GALNT17: variants seen among roughly 807,000 people sequenced by gnomAD.
GALNT17 encodes the protein polypeptide N-acetylgalactosaminyltransferase 17.
A neutral mutation model predicts 63.7 loss-of-function variants in GALNT17; 29 were observed. That is an observed-to-expected ratio of 0.46 (90% CI 0.34 to 0.62). GALNT17 has a LOEUF of 0.62. GALNT17 is among the 20% of genes least tolerant of loss of function. GALNT17 has a pLI of 0.01. For missense variants in GALNT17, 603 were observed against 799.6 expected (o/e 0.75, Z 2.97); for synonymous variants, 305 against 318.3 (o/e 0.96, Z 0.45).
At chr7:71,522,015 AG>A (rs1264787875) in intron 5 of GALNT17, among the ~76,000 whole-genome samples, 1 of 152,152 alleles carries the variant, frequency 6.6e-6, no homozygotes, top group Non-Finnish European at 1.5e-5. Context: ...AGTGAGATTA[AG>A]GGATTTGCCA....
At chr7:71,254,931 T>C (rs1488909228) in intron 1 of GALNT17, among the ~76,000 whole-genome samples, 1 of 152,218 alleles carries the variant, frequency 6.6e-6, no homozygotes, top group Non-Finnish European at 1.5e-5. Flanking sequence ...AAACTGGAGC[T>C]TTCCAAAGAG....
intron 5 of GALNT17, among the ~76,000 whole-genome samples, chr7:71,450,866 A>G (rs777709908): frequency 4.0e-5 from 6 of 151,500 alleles, no homozygotes; most frequent in Non-Finnish European, 8.8e-5. Flanking sequence ...AAAATGATAA[A>G]CTTTTAAATT....
At chr7:71,606,951 G>A (rs868124254) in intron 6 of GALNT17, among the ~76,000 whole-genome samples, 2 of 152,162 alleles carry the variant, frequency 1.3e-5, no homozygotes, top group Non-Finnish European at 2.9e-5. Context: ...ACAGTAATTT[G>A]GTGGTCAGAA....
chr7:71,319,246 G>C (rs542970840), intron 1 of GALNT17, among the ~76,000 whole-genome samples: 1 of 151,990 alleles, frequency 6.6e-6, no homozygotes, highest in Non-Finnish European at 1.5e-5. Context: ...GCTGCCTTCT[G>C]TTCTTTGCCT....
chr7:71,289,399 CTTTT>C (rs1790936674), intron 1 of GALNT17, among the ~76,000 whole-genome samples: 1 of 151,774 alleles, frequency 6.6e-6, no homozygotes, highest in South Asian at 2.1e-4. Context: ...TTTCTTTTTC[CTTTT>C]TCAAGATTTT....
chr7:71,169,636 G>A (rs1438207125), intron 1 of GALNT17, among the ~76,000 whole-genome samples: 2 of 152,128 alleles, frequency 1.3e-5, no homozygotes, highest in Admixed American at 6.5e-5. Flanking sequence ...GCTCACTGCA[G>A]CCTTGACATC....
At chr7:71,559,597 C>G (rs541055641) in intron 5 of GALNT17, among the ~76,000 whole-genome samples, 80 of 152,244 alleles carry the variant, frequency 5.3e-4, no homozygotes, top group African/African-American at 1.9e-3. Flanking sequence ...CGCAGTGGCT[C>G]ACAGCTTTAA....
chr7:71,291,440 G>A (rs1034154784), intron 1 of GALNT17, among the ~76,000 whole-genome samples: 4 of 152,144 alleles, frequency 2.6e-5, no homozygotes, highest in Non-Finnish European at 5.9e-5. Context: ...CCAATTCCAT[G>A]ATAGCTAAAT....
chr7:71,432,393 C>G (rs920189384), intron 5 of GALNT17, among the ~76,000 whole-genome samples: 1 of 152,174 alleles, frequency 6.6e-6, no homozygotes, highest in African/African-American at 2.4e-5. Context: ...GAGAGCCTTG[C>G]ATGACTCTCC....
At chr7:71,259,792 C>T (rs1790353631) in intron 1 of GALNT17, among the ~76,000 whole-genome samples, 1 of 152,052 alleles carries the variant, frequency 6.6e-6, no homozygotes, top group Non-Finnish European at 1.5e-5. Context: ...CAGGTGCCCA[C>T]CACCACGCCT....
At chr7:71,335,527 C>T in intron 1 of GALNT17, 23 bp from the exon 2 acceptor site, 2 of 1,529,640 alleles carry the variant, frequency 1.3e-6, no homozygotes, top group Non-Finnish European at 8.8e-7. Flanking sequence ...TCTAATAATT[C>T]TTTTTTCTCC....
chr7:71,162,020 C>G, intron 1 of GALNT17, among the ~76,000 whole-genome samples: 1 of 149,414 alleles, frequency 6.7e-6, no homozygotes, highest in African/African-American at 2.5e-5. Context: ...CTCCTTCCTT[C>G]CTTCTTTCTC....
At chr7:71,669,826 G>A in intron 7 of GALNT17, 146 bp from the exon 8 acceptor site, 6 of 953,098 alleles carry the variant, frequency 6.3e-6, no homozygotes, top group Admixed American at 2.9e-5. Context: ...CTCCTAAAGT[G>A]CTGGGATTAC....
chr7:71,362,296 T>C (rs1792418439), intron 2 of GALNT17, among the ~76,000 whole-genome samples: 1 of 152,204 alleles, frequency 6.6e-6, no homozygotes, highest in African/African-American at 2.4e-5. Flanking sequence ...ATCACTTCTT[T>C]GTGTACAAAC....
chr7:71,237,035 C>A (rs534218409), intron 1 of GALNT17, among the ~76,000 whole-genome samples: 1 of 152,138 alleles, frequency 6.6e-6, no homozygotes, highest in African/African-American at 2.4e-5. Flanking sequence ...CTCGTGGCTC[C>A]CTGACAATGC....
chr7:71,168,472 T>C (rs1316451026), intron 1 of GALNT17, among the ~76,000 whole-genome samples: 1 of 152,004 alleles, frequency 6.6e-6, no homozygotes, highest in Non-Finnish European at 1.5e-5. Context: ...CTCAGGAGGC[T>C]GAGGCAGGAG....
chr7:71,451,684 T>A (rs1399596403), intron 5 of GALNT17, among the ~76,000 whole-genome samples: 1 of 152,150 alleles, frequency 6.6e-6, no homozygotes, highest in Non-Finnish European at 1.5e-5. Flanking sequence ...GCATTTAATA[T>A]TATGTATTTC....
chr7:71,239,906 G>A (rs958822678), intron 1 of GALNT17, among the ~76,000 whole-genome samples: 6 of 152,210 alleles, frequency 3.9e-5, no homozygotes, highest in African/African-American at 1.4e-4. Flanking sequence ...TTCAGAGTAA[G>A]GGGAAGTGGT....
At chr7:71,548,055 C>T (rs569109817) in intron 5 of GALNT17, among the ~76,000 whole-genome samples, 70 of 151,980 alleles carry the variant, frequency 4.6e-4, no homozygotes, top group African/African-American at 1.6e-3. Flanking sequence ...TGGTGAAACC[C>T]TGTCTTTACC....
Sources: gnomAD v4.1 joint callset for allele counts (sites outside exome capture counted in the v4.1 genomes callset) on GRCh38, gnomAD v4.1.1 for gene constraint, MANE v1.5 for transcripts, NCBI Gene and HGNC (gene_info 2026-07-23, HGNC 2026-07-21) for gene names.